PDE4D: variants seen among roughly 807,000 people sequenced by gnomAD.
PDE4D encodes phosphodiesterase 4D, also known as 3',5'-cyclic-AMP phosphodiesterase 4D.
PDE4D carries 24 observed loss-of-function variants against 87.4 expected under a neutral mutation model. That is an observed-to-expected ratio of 0.27 (90% CI 0.20 to 0.39). The LOEUF (loss-of-function observed/expected upper bound fraction) is 0.39, where lower values mean the gene tolerates loss of function less well. Among genes scored for constraint, PDE4D ranks in the 10% least tolerant of loss-of-function variants. PDE4D has a pLI of 1.00. For missense variants in PDE4D, 714 were observed against 1,041.0 expected, an observed-to-expected ratio of 0.69 and a Z score of 4.32; for synonymous variants, 384 against 383.2, an observed-to-expected ratio of 1.00 and a Z score of -0.02.
At chr5:60,018,013 AT>A (rs1207100543) in intron 2 of PDE4D, among the ~76,000 whole-genome samples, 1 of 152,090 alleles carries the variant, frequency 6.6e-6, no homozygotes, top group Non-Finnish European at 1.5e-5. Flanking sequence ...ATGGTATCTC[AT>A]TGTGGTTTTG....
At chr5:60,146,523 T>G (rs906179240) in intron 2 of PDE4D, among the ~76,000 whole-genome samples, 5 of 152,326 alleles carry the variant, frequency 3.3e-5, no homozygotes, top group Non-Finnish European at 5.9e-5. Context: ...ACAATTTTCT[T>G]CTTCTCCATC....
chr5:59,712,137 T>C (rs983401436), intron 1 of PDE4D, among the ~76,000 whole-genome samples: 1 of 151,950 alleles, frequency 6.6e-6, no homozygotes, highest in Non-Finnish European at 1.5e-5. Context: ...TTTTAGAGTA[T>C]ATAAACTGAT....
chr5:60,398,560 C>G (rs1763053355), intron 1 of PDE4D, among the ~76,000 whole-genome samples: 1 of 152,060 alleles, frequency 6.6e-6, no homozygotes, highest in African/African-American at 2.4e-5. Context: ...CTGGGACATC[C>G]CTCAGTCCAC....
chr5:60,197,812 T>G (rs1483052574), intron 1 of PDE4D, among the ~76,000 whole-genome samples: 1 of 151,548 alleles, frequency 6.6e-6, no homozygotes, highest in African/African-American at 2.4e-5. Flanking sequence ...CCAAAGACTA[T>G]GAGTAGAAAC....
chr5:59,110,217 A>C (rs1772367847), intron 5 of PDE4D, among the ~76,000 whole-genome samples: 1 of 152,174 alleles, frequency 6.6e-6, no homozygotes, highest in East Asian at 1.9e-4. Context: ...GGCTCTTGTG[A>C]GCTTTTGAGA....
chr5:60,190,220 G>A (rs1004013052), intron 1 of PDE4D, among the ~76,000 whole-genome samples: 1 of 152,168 alleles, frequency 6.6e-6, no homozygotes, highest in Non-Finnish European at 1.5e-5. Context: ...AACATACAAG[G>A]ATGGAATAAC....
Position 59,161,489 on chromosome 5 carries a change from T to C in PDE4D, c.808+19106A>G, listed in dbSNP as rs544263500. Among the ~76,000 whole-genome samples, 3 of 152,180 alleles carry C rather than the reference T, an allele frequency of 2.0e-5. No individual in the cohort carries two copies. The East Asian group carries it at 5.8e-4, about 29-fold the overall frequency. ...AGATAAAAGTTGTGGAGACCAAAGG[T>C]TTATTAGGCAGATGAAGCCTCCAGG... is the stretch of plus-strand genomic sequence containing the variant. On this transcript the variant is annotated intron_variant, in intron 5 of 14. Transcript: ENST00000340635.
At chr5:59,211,184 A>G (rs1405759575) in intron 2 of PDE4D, among the ~76,000 whole-genome samples, 4 of 152,076 alleles carry the variant, frequency 2.6e-5, no homozygotes, top group Non-Finnish European at 5.9e-5. Flanking sequence ...TCATGTATTT[A>G]TTTACTAGAC....
At chr5:59,050,251 G>A (rs1174049815) in intron 5 of PDE4D, among the ~76,000 whole-genome samples, 2 of 152,104 alleles carry the variant, frequency 1.3e-5, no homozygotes, top group Non-Finnish European at 2.9e-5. Context: ...TGGGCAATAA[G>A]AGCGAAACTC....
At chr5:59,284,135 A>T (rs1342611209) in intron 1 of PDE4D, among the ~76,000 whole-genome samples, 2 of 152,046 alleles carry the variant, frequency 1.3e-5, no homozygotes, top group East Asian at 3.9e-4. Context: ...CCTCTTTTTG[A>T]TCAAGAGTTA....
chr5:59,145,568 T>C lies in PDE4D; in HGVS notation c.808+35027A>G, dbSNP rs114922111. Among the ~76,000 whole-genome samples, 1,101 of 152,334 alleles carry C rather than the reference T, an allele frequency of 7.2e-3. 11 individuals carry two copies. Among genetic ancestry groups the C allele is most frequent in the African/African-American group, 0.024 (998 of 41,576 alleles). On this transcript the variant is annotated intron_variant, in intron 5 of 14. Transcript: ENST00000340635. ...CATTCACCTAGAATGAATGTGCAGA[T>C]CTTTCCTAAAGATATAAGAAATCGA...
intron 1 of PDE4D, among the ~76,000 whole-genome samples, chr5:59,853,965 G>A (rs1288385069): frequency 6.6e-6 from 1 of 151,856 alleles, no homozygotes. Flanking sequence ...CAGTTTGGTG[G>A]TTTTCTTTAA....
At chr5:60,325,271 T>C (rs1406069725) in intron 1 of PDE4D, among the ~76,000 whole-genome samples, 1 of 152,156 alleles carries the variant, frequency 6.6e-6, no homozygotes, top group African/African-American at 2.4e-5. Context: ...AAAGCAATTA[T>C]AGGGGGAAAA....
At chr5:60,110,987 G>T (rs1562108350) in intron 2 of PDE4D, among the ~76,000 whole-genome samples, 2 of 151,934 alleles carry the variant, frequency 1.3e-5, no homozygotes, top group Non-Finnish European at 2.9e-5. Flanking sequence ...TAGAATTGTG[G>T]GTATTAGAGA....
intron 1 of PDE4D, among the ~76,000 whole-genome samples, chr5:59,675,412 T>C (rs1027505593): frequency 1.3e-5 from 2 of 152,186 alleles, no homozygotes; most frequent in Non-Finnish European, 2.9e-5. Context: ...CTCCACACTT[T>C]ATAGCTGTTT....
intron 1 of PDE4D, among the ~76,000 whole-genome samples, chr5:59,811,653 A>G (rs1465483724): frequency 6.6e-6 from 1 of 152,176 alleles, no homozygotes; most frequent in African/African-American, 2.4e-5. Flanking sequence ...GTCTCAGGCT[A>G]ACCTCCTGTC....
chr5:59,541,680 C>A (rs1816377003), intron 1 of PDE4D, among the ~76,000 whole-genome samples: 2 of 152,214 alleles, frequency 1.3e-5, no homozygotes, highest in Admixed American at 1.3e-4. Flanking sequence ...CATATATTAT[C>A]AATGGGATTG....
intron 3 of PDE4D, chr5:59,987,369 T>C (rs370909035): frequency 8.5e-5 from 13 of 152,216 alleles, no homozygotes; most frequent in East Asian, 5.8e-4. Context: ...AGAAACAAAA[T>C]ATATTTCCTC....
chr5:59,043,628 C>T (rs527824712), intron 5 of PDE4D, among the ~76,000 whole-genome samples: 3 of 152,118 alleles, frequency 2.0e-5, no homozygotes, highest in Non-Finnish European at 4.4e-5. Flanking sequence ...CATATGTATA[C>T]ATGTGCCATG....
Sources: gnomAD v4.1 joint callset for allele counts (sites outside exome capture counted in the v4.1 genomes callset) on GRCh38, gnomAD v4.1.1 for gene constraint, MANE v1.5 for transcripts, NCBI Gene and HGNC (gene_info 2026-07-23, HGNC 2026-07-21) for gene names.